Variants in DNAJC10 observed in about 807,000 individuals in gnomAD.
The protein encoded by DNAJC10 is DnaJ heat shock protein family (Hsp40) member C10.
In DNAJC10, 101 loss-of-function variants were observed where a neutral mutation model predicts 115.0. That is an observed-to-expected ratio of 0.88 (90% CI 0.75 to 1.04). The LOEUF (loss-of-function observed/expected upper bound fraction) is 1.04, where lower values mean the gene tolerates loss of function less well. Among genes scored for constraint, DNAJC10 ranks in the 50% least tolerant of loss-of-function variants. The pLI is 0.00. For synonymous variants in DNAJC10, 307 were observed against 301.5 expected, an observed-to-expected ratio of 1.02 and a Z score of -0.19; for missense variants, 981 against 928.8, an observed-to-expected ratio of 1.06 and a Z score of -0.73.
At chr2:182,751,227 C>T (rs972672705) in intron 14 of DNAJC10, among the ~76,000 whole-genome samples, 1 of 149,418 alleles carries the variant, frequency 6.7e-6, no homozygotes, top group African/African-American at 2.5e-5. Flanking sequence ...CTCCACCTCC[C>T]AGGTTCAAGC....
intron 22 of DNAJC10, among the ~76,000 whole-genome samples, chr2:182,763,467 A>C (rs936768902): frequency 6.6e-6 from 1 of 152,220 alleles, no homozygotes. Flanking sequence ...TCCGCACAGT[A>C]TTTATTGAAA....
chr2:182,747,740 G>T (rs957198851), intron 14 of DNAJC10, among the ~76,000 whole-genome samples: 2 of 144,486 alleles, frequency 1.4e-5, no homozygotes, highest in African/African-American at 2.6e-5. Context: ...CTGCCTAATT[G>T]CCCTGGCCAG....
chr2:182,742,820 A>T (rs1303349659), intron 13 of DNAJC10, among the ~76,000 whole-genome samples: 1 of 149,918 alleles, frequency 6.7e-6, no homozygotes, highest in Non-Finnish European at 1.5e-5. Context: ...TTCTGATGGG[A>T]TGTTTGTCCA....
At chr2:182,729,228 A>T in intron 7 of DNAJC10, 1 of 367,706 alleles carries the variant, frequency 2.7e-6, no homozygotes, top group South Asian at 2.9e-5. Context: ...GGCTCACTGC[A>T]ACCTCTGCCT....
At position 182,784,643 on chromosome 2, in the gene DNAJC10, T is replaced by C. The variant is rs534150693; in HGVS notation, c.*7511T>C. ...ATGCCTTAAAAATTATAAATAATGA[T>C]AAGTTTAATTTGCAGCCCTTATAGC... On this transcript the variant is annotated 3_prime_UTR_variant, in exon 24 of 24. Coordinates refer to ENST00000264065, the MANE Select transcript of DNAJC10 (RefSeq NM_018981.4). 1.3e-5 allele frequency: 2 copies of C among 152,222 alleles called. No homozygotes were observed. The highest frequency in any genetic ancestry group is 4.8e-5 in the African/African-American group (2 of 41,450). 9.4% of individuals were successfully genotyped at this position (152,222 alleles called of 1,614,324 possible).
Position 182,790,214 on chromosome 2 carries a change from T to A in DNAJC10, c.*13082T>A, listed in dbSNP as rs1359205916. 6.6e-6 allele frequency: 1 copy of A among 152,228 alleles called. No homozygotes were observed. The highest frequency in any genetic ancestry group is 1.5e-5 in the Non-Finnish European group (1 of 68,038). The allele number at this position is 152,228 out of a possible 1,614,324, so 9.4% of individuals were successfully genotyped here. On this transcript the variant is annotated 3_prime_UTR_variant, in exon 24 of 24. Transcript: ENST00000264065. ...TATATTATTCTCTGATTATTCCATA[T>A]GTTATCTTCCAAACTAGATTGTTAG...
At chr2:182,767,243 A>C (rs984219592) in intron 22 of DNAJC10, among the ~76,000 whole-genome samples, 4 of 152,260 alleles carry the variant, frequency 2.6e-5, no homozygotes, top group Admixed American at 2.0e-4. Context: ...TAATAAAATG[A>C]CCTTGCTCAT....
intron 22 of DNAJC10, among the ~76,000 whole-genome samples, chr2:182,769,512 G>A (rs546563094): frequency 7.0e-4 from 107 of 152,170 alleles, no homozygotes; most frequent in African/African-American, 2.5e-3. Flanking sequence ...TTTAATGATC[G>A]CCATTCTAAC....
In DNAJC10 at chr2:182,762,818, C is replaced by T; in HGVS notation, c.2265+17C>T. 1.2e-6 allele frequency: 2 copies of T among 1,608,290 alleles called. No homozygotes were observed. Among genetic ancestry groups the T allele is most frequent in the Non-Finnish European group, 8.5e-7 (1 of 1,176,522 alleles). On this transcript the variant is annotated intron_variant, in intron 22 of 23. Coordinates refer to ENST00000264065, the MANE Select transcript of DNAJC10 (RefSeq NM_018981.4). Reference sequence around the variant, plus strand: ...AGAGCAAAGGTATGTCCAGACTTTCCTCTGTTCCTTCCCTTAGTAGGCCAA... The same window carrying T: ...AGAGCAAAGGTATGTCCAGACTTTCTTCTGTTCCTTCCCTTAGTAGGCCAA...
rs200236891 is a variant in DNAJC10, at chr2:182,756,304, T to C, written c.1654-10T>C. Reference sequence around the variant, plus strand: ...TATATATGTTATAATGGAAGCTATATTCTCTTCAGGATCTTATGAATCCTT... The same window carrying C: ...TATATATGTTATAATGGAAGCTATACTCTCTTCAGGATCTTATGAATCCTT... On this transcript the variant is annotated splice_polypyrimidine_tract_variant and intron_variant, in intron 17 of 23. Coordinates refer to ENST00000264065, the MANE Select transcript of DNAJC10 (RefSeq NM_018981.4). The C allele has an allele frequency of 4.9e-5, 79 of 1,605,332 alleles. No individual in the cohort carries two copies. The highest frequency in any genetic ancestry group is 6.5e-5 in the Non-Finnish European group (77 of 1,176,062).
intron 14 of DNAJC10, among the ~76,000 whole-genome samples, chr2:182,751,106 G>A (rs977311775): frequency 6.7e-6 from 1 of 148,866 alleles, no homozygotes; most frequent in African/African-American, 2.5e-5. Context: ...CTGAAGATGA[G>A]GGAACATTTC....
At chr2:182,747,113 A>G (rs1446169159) in intron 14 of DNAJC10, among the ~76,000 whole-genome samples, 5 of 152,062 alleles carry the variant, frequency 3.3e-5, no homozygotes, top group East Asian at 1.9e-4. Context: ...TACCAGTACC[A>G]TGCTGTTTTG....
chr2:182,755,221 A>G, intron 17 of DNAJC10, 117 bp downstream of exon 17: 1 of 663,200 alleles, frequency 1.5e-6, no homozygotes, highest in Non-Finnish European at 2.7e-6. Context: ...CTATTTTCTT[A>G]CAAAATGATT....
chr2:182,782,053 T>G lies in DNAJC10; in HGVS notation c.*4921T>G, dbSNP rs1694860062. 1 of 152,164 alleles carries G rather than the reference T, an allele frequency of 6.6e-6. No individual in the cohort carries two copies. Among genetic ancestry groups the G allele is most frequent in the Non-Finnish European group, 1.5e-5 (1 of 68,020 alleles). The allele number at this position is 152,164 out of a possible 1,614,324, so 9.4% of individuals were successfully genotyped here. The stretch of plus-strand genomic sequence containing the variant: ...TATGTCCTGAATGGTGTTGCCTAGG[T>G]TTTCTTCTAGGTTTTTTATGGTTTC... On this transcript the variant is annotated 3_prime_UTR_variant, in exon 24 of 24. Coordinates refer to ENST00000264065, the MANE Select transcript of DNAJC10 (RefSeq NM_018981.4).
chr2:182,779,495 T>C lies in DNAJC10; in HGVS notation c.*2363T>C, dbSNP rs1574965443. The C allele has an allele frequency of 6.6e-6, 1 of 152,130 alleles. No individual in the cohort carries two copies. The highest frequency in any genetic ancestry group is 1.9e-4 in the East Asian group (1 of 5,186). 9.4% of individuals were successfully genotyped at this position (152,130 alleles called of 1,614,324 possible). A position where few individuals can be genotyped will look rare whatever the true frequency, so the allele number is the denominator to read the frequency against. ...ATGGTGGTGTGCGCCTATTGTCCCA[T>C]CTACTTGAGAGGCTGAGGCAGGAGG... On this transcript the variant is annotated 3_prime_UTR_variant, in exon 24 of 24. Transcript: ENST00000264065.
At chr2:182,721,277 T>C (rs1693144905) in intron 4 of DNAJC10, among the ~76,000 whole-genome samples, 1 of 152,182 alleles carries the variant, frequency 6.6e-6, no homozygotes, top group African/African-American at 2.4e-5. Context: ...TACACCTTGA[T>C]AGTCTATATC....
At chr2:182,748,214 A>G (rs1309074548) in intron 14 of DNAJC10, among the ~76,000 whole-genome samples, 11 of 151,132 alleles carry the variant, frequency 7.3e-5, no homozygotes, top group South Asian at 6.3e-4. Context: ...GTCTCTGCCC[A>G]GCTTTGGTAT....
chr2:182,762,582 T>G, intron 21 of DNAJC10, 100 bp from the exon 22 acceptor site: 1 of 1,272,844 alleles, frequency 7.9e-7, no homozygotes. Flanking sequence ...GTTTTTTAAA[T>G]AAATTCTTAG....
At chr2:182,764,276 G>A (rs1290175844) in intron 22 of DNAJC10, among the ~76,000 whole-genome samples, 1 of 152,120 alleles carries the variant, frequency 6.6e-6, no homozygotes, top group East Asian at 1.9e-4. Flanking sequence ...ACCTATTCCT[G>A]AAATTCATGG....
Sources: gnomAD v4.1 joint callset for allele counts (sites outside exome capture counted in the v4.1 genomes callset) on GRCh38, gnomAD v4.1.1 for gene constraint, MANE v1.5 for transcripts, NCBI Gene and HGNC (gene_info 2026-07-23, HGNC 2026-07-21) for gene names.